CNIH3: variants seen among roughly 807,000 people sequenced by gnomAD.
CNIH3 encodes protein cornichon homolog 3.
In CNIH3, 14 loss-of-function variants were observed where a neutral mutation model predicts 24.1. That is an observed-to-expected ratio of 0.58 (90% CI 0.38 to 0.91). The LOEUF is 0.91. CNIH3 is among the 40% of genes least tolerant of loss of function. The pLI, the probability that CNIH3 is intolerant of heterozygous loss-of-function variation, is 0.00. For missense variants in CNIH3, 178 were observed against 196.8 expected, an observed-to-expected ratio of 0.90 and a Z score of 0.57; for synonymous variants, 68 against 73.8, an observed-to-expected ratio of 0.92 and a Z score of 0.40.
rs372806507 is a variant in CNIH3 at position 224,503,712 on chromosome 1, G to A, written n.204-12029G>A. Among the ~76,000 whole-genome samples, 28 of 152,374 alleles carry A rather than the reference G, an allele frequency of 1.8e-4. No homozygotes were observed. In the East Asian group the frequency reaches 5.0e-3, roughly 27 times the overall value. ...TGGTCCTCCCCCAGGAGAGGCAGCAGGCGACTTCCCTATTGAAAACACAGC... is the reference window on the plus strand; with the variant it reads ...TGGTCCTCCCCCAGGAGAGGCAGCAAGCGACTTCCCTATTGAAAACACAGC... On this transcript the variant is annotated intron_variant and non_coding_transcript_variant, in intron 1 of 5. Coordinates refer to the CNIH3 transcript ENST00000471578.
chr1:224,508,182 T>C lies in CNIH3; in HGVS notation n.204-7559T>C, dbSNP rs116033028. On this transcript the variant is annotated intron_variant and non_coding_transcript_variant, in intron 1 of 5. Transcript: ENST00000471578. Reference sequence around the variant, plus strand: ...AGGTGGCTTGAGATAAAACATGTCCTTCTCTTCTTTTCCCCACAAAGTTTT... The same window carrying C: ...AGGTGGCTTGAGATAAAACATGTCCCTCTCTTCTTTTCCCCACAAAGTTTT... Among the ~76,000 whole-genome samples, 1,122 of 152,364 alleles carry C rather than the reference T, an allele frequency of 7.4e-3. 16 individuals are homozygous for C. The highest frequency in any genetic ancestry group is 0.026 in the African/African-American group (1,074 of 41,584).
chr1:224,554,083 A>G (rs1388734605), intron 3 of CNIH3, among the ~76,000 whole-genome samples: 1 of 152,194 alleles, frequency 6.6e-6, no homozygotes, highest in Non-Finnish European at 1.5e-5. Flanking sequence ...AACATGGAGT[A>G]AGGGGCACCA....
At chr1:224,464,822 G>A (rs948576802) in intron 1 of CNIH3, among the ~76,000 whole-genome samples, 1 of 151,986 alleles carries the variant, frequency 6.6e-6, no homozygotes, top group South Asian at 2.1e-4. Flanking sequence ...TAAAGACAGG[G>A]TCTTGCTCTA....
chr1:224,443,193 G>A (rs899788433), intron 1 of CNIH3, among the ~76,000 whole-genome samples: 4 of 152,192 alleles, frequency 2.6e-5, no homozygotes, highest in Non-Finnish European at 5.9e-5. Flanking sequence ...AATGGCAAAG[G>A]AAGGCAAGAA....
intron 1 of CNIH3, among the ~76,000 whole-genome samples, chr1:224,494,147 T>C (rs560620344): frequency 6.6e-6 from 1 of 152,338 alleles, no homozygotes; most frequent in Non-Finnish European, 1.5e-5. Context: ...GGTAATATAA[T>C]TTCTGAATAT....
chr1:224,593,304 G>A (rs1681841471), downstream of CNIH3, among the ~76,000 whole-genome samples: 1 of 152,072 alleles, frequency 6.6e-6, no homozygotes, highest in African/African-American at 2.4e-5. Context: ...ACAGGCATGT[G>A]GCACCATGCC....
Position 224,684,932 on chromosome 1 carries a change from T to C in CNIH3, c.198+89T>C, listed in dbSNP as rs1686582405. 1 of 1,230,010 alleles carries C rather than the reference T, an allele frequency of 8.1e-7. No individual in the cohort carries two copies. Among genetic ancestry groups the C allele is most frequent in the Non-Finnish European group, 1.2e-6 (1 of 830,438 alleles). 76.2% of individuals were successfully genotyped at this position (1,230,010 alleles called of 1,614,324 possible). ...AAGAGGCTAGTGAGGCTCTGCCTGC[T>C]CCAGTCCTGTCCACCAGGGAGGCAA... On this transcript the variant is annotated intron_variant, in intron 3 of 5. Coordinates refer to ENST00000272133, the MANE Select transcript of CNIH3 (RefSeq NM_152495.2). The surrounding 1 kb of genome is among the most constrained non-coding windows in gnomAD (Gnocchi z 4.2).
chr1:224,554,727 T>G (rs1680065706), intron 3 of CNIH3, among the ~76,000 whole-genome samples: 1 of 151,974 alleles, frequency 6.6e-6, no homozygotes, highest in Non-Finnish European at 1.5e-5. Flanking sequence ...GGAACTACAG[T>G]TGTATGCCAC....
In CNIH3 at chr1:224,704,510, C is replaced by T. The variant is rs1169617262; in HGVS notation, c.198+19667C>T. ...ATAAGGGGATGTTGGAAGAGCAGCA[C>T]AATGAACACCCACGTAGCCTTCACC... On this transcript the variant is annotated intron_variant, in intron 3 of 5. Transcript: ENST00000272133. This position sits in a 1 kb window ranked among gnomAD's most constrained non-coding sequence, Gnocchi z 4.2. Among the ~76,000 whole-genome samples, 1 of 152,136 alleles carries T rather than the reference C, an allele frequency of 6.6e-6. No individual in the cohort carries two copies. Among genetic ancestry groups the T allele is most frequent in the Non-Finnish European group, 1.5e-5 (1 of 68,030 alleles).
intron 1 of CNIH3, among the ~76,000 whole-genome samples, chr1:224,443,662 TATAG>T (rs5781369): frequency 2.1e-4 from 31 of 148,968 alleles, no homozygotes; most frequent in East Asian, 9.7e-4. Context: ...CAATTATATA[TATAG>T]ATAGATAGAT....
chr1:224,551,163 G>A (rs1348011416), intron 3 of CNIH3, among the ~76,000 whole-genome samples: 3 of 152,068 alleles, frequency 2.0e-5, no homozygotes, highest in South Asian at 4.2e-4. Flanking sequence ...TCAGTGTGGC[G>A]ATTCCTCAGG....
At chr1:224,601,629 T>C (rs1373568349) in intron 3 of CNIH3, among the ~76,000 whole-genome samples, 2 of 152,188 alleles carry the variant, frequency 1.3e-5, no homozygotes, top group Non-Finnish European at 1.5e-5. Context: ...GACTACCTAC[T>C]GTAACACTAG....
At chr1:224,510,326 T>C (rs1180836295) in intron 1 of CNIH3, among the ~76,000 whole-genome samples, 2 of 151,964 alleles carry the variant, frequency 1.3e-5, no homozygotes, top group African/African-American at 4.8e-5. Context: ...GGAGTGTCAG[T>C]AGGGGCGCCC....
intron 1 of CNIH3, among the ~76,000 whole-genome samples, chr1:224,473,890 G>T (rs1406672743): frequency 6.6e-6 from 1 of 152,122 alleles, no homozygotes; most frequent in Non-Finnish European, 1.5e-5. Flanking sequence ...AAGACCCTAT[G>T]TTAGGGTACA....
intron 3 of CNIH3, among the ~76,000 whole-genome samples, chr1:224,702,631 A>C (rs550909378): frequency 6.6e-6 from 1 of 152,310 alleles, no homozygotes; most frequent in Admixed American, 6.5e-5. Context: ...TCTCAATCTC[A>C]GCAGCACATT....
At chr1:224,727,462 ACT>A (rs768225424) in intron 3 of CNIH3, among the ~76,000 whole-genome samples, 1 of 152,042 alleles carries the variant, frequency 6.6e-6, no homozygotes, top group Non-Finnish European at 1.5e-5. Flanking sequence ...AGGAAAAGAG[ACT>A]CTGGAGAATT....
intron 2 of CNIH3, among the ~76,000 whole-genome samples, chr1:224,533,245 CAA>C (rs112099601): frequency 6.4e-4 from 90 of 140,130 alleles, no homozygotes; most frequent in African/African-American, 2.2e-3. Flanking sequence ...CATGTCTCTA[CAA>C]AAAAAAAAAA....
chr1:224,646,163 A>G (rs1188011097), intron 1 of CNIH3, among the ~76,000 whole-genome samples: 2 of 112,052 alleles, frequency 1.8e-5, no homozygotes, highest in African/African-American at 3.6e-5. Context: ...GTGGAGGTTC[A>G]ATTCAAGGTC....
chr1:224,587,631 T>C (rs1681566037), intron 5 of CNIH3, among the ~76,000 whole-genome samples: 1 of 152,188 alleles, frequency 6.6e-6, no homozygotes, highest in African/African-American at 2.4e-5. Flanking sequence ...CGTATATGTG[T>C]ATGTTGTCAT....
Sources: allele counts gnomAD v4.1 joint callset (sites outside exome capture counted in the v4.1 genomes callset), GRCh38; gene constraint gnomAD v4.1.1; non-coding constraint Gnocchi (gnomAD v3.1); transcripts MANE v1.5; gene names NCBI Gene and HGNC (gene_info 2026-07-23, HGNC 2026-07-21).